Variants in THY1 observed in about 807,000 individuals in gnomAD.
THY1 encodes Thy-1 cell surface antigen.
In THY1, 10 loss-of-function variants were observed where a neutral mutation model predicts 14.9. The ratio of observed to expected loss-of-function variants is 0.67; its 90% CI spans 0.41 to 1.14. The LOEUF is 1.14. Among genes scored for constraint, THY1 ranks in the 50% most tolerant of loss-of-function variants. THY1 has a pLI of 0.00. For missense variants in THY1, 159 were observed against 202.1 expected, an observed-to-expected ratio of 0.79 and a Z score of 1.29; for synonymous variants, 80 against 90.0, an observed-to-expected ratio of 0.89 and a Z score of 0.63.
rs990542852 is a variant in THY1 at position 119,417,853 on chromosome 11, G to A, written c.*1555C>T. On this transcript the variant is annotated 3_prime_UTR_variant, in exon 4 of 4. Coordinates refer to ENST00000284240, the MANE Select transcript of THY1 (RefSeq NM_006288.5). ...AAAGCAGACTGCATAGCTTAGCGCAGATTCACGCAAAGCCACTTGTGCATT... is the reference window on the plus strand; with the variant it reads ...AAAGCAGACTGCATAGCTTAGCGCAAATTCACGCAAAGCCACTTGTGCATT... 3 of 152,320 alleles carry A rather than the reference G, an allele frequency of 2.0e-5. No homozygotes were observed. Among genetic ancestry groups the A allele is most frequent in the African/African-American group, 7.2e-5 (3 of 41,470 alleles). 9.4% of individuals were successfully genotyped at this position (152,320 alleles called of 1,614,324 possible). A position where few individuals can be genotyped will look rare whatever the true frequency, so the allele number is the denominator to read the frequency against.
rs762262836 is a variant in THY1, at chr11:119,420,885, G to A, written c.21C>T (p.Ile7=). The A allele has an allele frequency of 5.0e-6, 8 of 1,614,004 alleles. No homozygotes were observed. Among genetic ancestry groups the A allele is most frequent in the South Asian group, 2.2e-5 (2 of 91,080 alleles). The part of the protein sequence containing the change: MNLAIS[I]ALLLTVLQVS... ...GCCGGGTACCTGTTAGCAGGAGAGC[G>A]ATGCTGATGGCCAGGTTCATGGTTC... The change falls in exon 2 of 4, where the codon ATC becomes ATT. Residue 7 remains isoleucine (I), a synonymous_variant. Coordinates refer to ENST00000284240, the MANE Select transcript of THY1 (RefSeq NM_006288.5).
Position 119,419,449 on chromosome 11 carries a change from A to C in THY1, c.445T>G (p.Ser149Ala). The change falls in exon 4 of 4, where the codon TCC becomes GCC. Residue 149 changes from serine to alanine, a missense_variant. Coordinates refer to ENST00000284240, the MANE Select transcript of THY1 (RefSeq NM_006288.5). ...NTSWLLLLLL[S>A]LSLLQATDFM... The stretch of plus-strand genomic sequence containing the variant: ...TCCGTGGCCTGGAGGAGGGAGAGGG[A>C]GAGCAGGAGCAGCAGCAGCCACGAG... 6.2e-7 allele frequency: 1 copy of C among 1,614,000 alleles called. No homozygotes were observed. Among genetic ancestry groups the C allele is most frequent in the South Asian group, 1.1e-5 (1 of 91,086 alleles).
chr11:119,424,380 A>G (rs1313759082), upstream of THY1, among the ~76,000 whole-genome samples: 1 of 152,106 alleles, frequency 6.6e-6, no homozygotes, highest in Non-Finnish European at 1.5e-5. Context: ...TGATCACGAC[A>G]TTCTGTGGGC....
At position 119,415,610 on chromosome 11, in the gene THY1, C is replaced by T. The variant is rs1861758485; in HGVS notation, c.*3798G>A. 6.6e-6 allele frequency among the ~76,000 whole-genome samples: 1 copy of T among 152,234 alleles called. No homozygotes were observed. Among genetic ancestry groups the T allele is most frequent in the Non-Finnish European group, 1.5e-5 (1 of 68,044 alleles). ...TCACAGCCCCTTCCTGGTGCAGAGC[C>T]ACACTTGGCCTCCATGAAGCTGCCA... is the stretch of plus-strand genomic sequence containing the variant. On this transcript the variant is annotated 3_prime_UTR_variant, in exon 4 of 4. Coordinates refer to ENST00000284240, the MANE Select transcript of THY1 (RefSeq NM_006288.5).
intron 1 of THY1, 92 bp downstream of exon 1, chr11:119,423,021 G>C (rs1460881891): frequency 4.4e-6 from 2 of 455,904 alleles, no homozygotes; most frequent in Non-Finnish European, 8.8e-6. Context: ...GGGCGCCCTC[G>C]GACCGTGGCC....
chr11:119,417,083 G>A lies in THY1; in HGVS notation c.*2325C>T, dbSNP rs77680341. ...ACTCTTTTACTATCCTGAGGGTGGG[G>A]CACCCCACATTTCTCTGGCATTTGA... On this transcript the variant is annotated 3_prime_UTR_variant, in exon 4 of 4. Transcript: ENST00000284240. Among the ~76,000 whole-genome samples, 2,996 of 152,322 alleles carry A rather than the reference G, an allele frequency of 0.02. 86 individuals are homozygous for A. The highest frequency in any genetic ancestry group is 0.068 in the African/African-American group (2,805 of 41,550).
chr11:119,422,950 T>TCCCTAAGG lies in THY1; in HGVS notation c.-25+162_-25+163insCCTTAGGG, dbSNP rs1861939325. On this transcript the variant is annotated intron_variant, in intron 1 of 3. Transcript: ENST00000284240. This position sits in a 1 kb window ranked among gnomAD's most constrained non-coding sequence, Gnocchi z 7.0. ...ACGCGGCCCCTGCCCTGCAGAAGCA[T>TCCCTAAGG]CCCCCTCCCGCCCCTGCCTGGAAAG... Among the ~76,000 whole-genome samples the TCCCTAAGG allele has an allele frequency of 6.6e-6, 1 of 151,940 alleles. No homozygotes were observed. Among genetic ancestry groups the TCCCTAAGG allele is most frequent in the Admixed American group, 6.6e-5 (1 of 15,264 alleles).
intron 2 of THY1, 140 bp from the exon 3 acceptor site, chr11:119,420,526 C>T (rs1861879816): frequency 2.5e-6 from 2 of 807,176 alleles, no homozygotes; most frequent in South Asian, 3.7e-5. Flanking sequence ...CCCAGGGATC[C>T]CACTTCTCCT....
rs982143522 is a variant in THY1, at chr11:119,417,029, C to T, written c.*2379G>A. The stretch of plus-strand genomic sequence containing the variant: ...ACAGGTGCGAGGCTTCACACAGTGC[C>T]GCTCATTTCCTTCCAGAAATACCTC... On this transcript the variant is annotated 3_prime_UTR_variant, in exon 4 of 4. Transcript: ENST00000284240. Among the ~76,000 whole-genome samples the T allele has an allele frequency of 4.6e-5, 7 of 152,220 alleles. No homozygotes were observed. The highest frequency in any genetic ancestry group is 8.8e-5 in the Non-Finnish European group (6 of 68,036).
intron 3 of THY1, chr11:119,419,842 G>C: frequency 1.5e-6 from 1 of 650,856 alleles, no homozygotes; most frequent in South Asian, 2.0e-5. Flanking sequence ...CACAGTTCTG[G>C]TGGAACCACA....
Position 119,418,331 on chromosome 11 carries a change from C to T in THY1, c.*1077G>A, listed in dbSNP as rs1861819951. On this transcript the variant is annotated 3_prime_UTR_variant, in exon 4 of 4. Coordinates refer to ENST00000284240, the MANE Select transcript of THY1 (RefSeq NM_006288.5). ...GCCATTTCCTGAGAAGTGTCCGGCT[C>T]CTGGGTCTCACTCCATGGCTTGCCT... is the stretch of plus-strand genomic sequence containing the variant. 6.6e-6 allele frequency: 1 copy of T among 152,474 alleles called. No individual in the cohort carries two copies. Among genetic ancestry groups the T allele is most frequent in the South Asian group, 2.1e-4 (1 of 4,836 alleles). The allele number at this position is 152,474 out of a possible 1,614,324, so 9.4% of individuals were successfully genotyped here.
Position 119,420,358 on chromosome 11 carries a change from C to A in THY1, c.66G>T (p.Val22=). ...CCACTAGGCAGGCCGTTAGGCTGGTCACCTTCTGCCCTCGGGAGACCTGCA... is the reference window on the plus strand; with the variant it reads ...CCACTAGGCAGGCCGTTAGGCTGGTAACCTTCTGCCCTCGGGAGACCTGCA... The part of the protein sequence containing the change: ...TVLQVSRGQK[V]TSLTACLVDQ... Residue 22 remains valine, a synonymous_variant, in exon 3 of 4, where the codon GTG becomes GTT. Transcript: ENST00000284240. The A allele has an allele frequency of 1.2e-6, 2 of 1,613,528 alleles. No homozygotes were observed. The highest frequency in any genetic ancestry group is 1.1e-5 in the South Asian group (1 of 91,046).
Position 119,419,247 on chromosome 11 carries a change from G to A in THY1, c.*161C>T. On this transcript the variant is annotated 3_prime_UTR_variant, in exon 4 of 4. Transcript: ENST00000284240. ...AGGGTGAGGTGGCCGCGTGGACGTG[G>A]GTAGATAATCGCATGCAGCACTGGA... 4.2e-6 allele frequency: 3 copies of A among 715,514 alleles called. No individual in the cohort carries two copies. The highest frequency in any genetic ancestry group is 1.5e-5 in the South Asian group (1 of 66,218). The allele number at this position is 715,514 out of a possible 1,614,324, so 44.3% of individuals were successfully genotyped here. A position where few individuals can be genotyped will look rare whatever the true frequency, so the allele number is the denominator to read the frequency against.
At chr11:119,421,081 A>G in intron 1 of THY1, 152 bp from the exon 2 acceptor site, 1 of 618,842 alleles carries the variant, frequency 1.6e-6, no homozygotes, top group East Asian at 2.9e-5. Context: ...TGAACATGAT[A>G]CTGCCACTGG....
At position 119,419,177 on chromosome 11, in the gene THY1, G is replaced by T. The variant is rs931974142; in HGVS notation, c.*231C>A. 3.5e-6 allele frequency: 2 copies of T among 569,474 alleles called. No individual in the cohort carries two copies. The highest frequency in any genetic ancestry group is 6.5e-6 in the Non-Finnish European group (2 of 306,618). The allele number at this position is 569,474 out of a possible 1,614,324, so 35.3% of individuals were successfully genotyped here. A position where few individuals can be genotyped will look rare whatever the true frequency, so the allele number is the denominator to read the frequency against. ...AACCTAAATAAACCAGACAGAAGCA[G>T]CTCTGGAACAAAAAGTACAAAAAGA... On this transcript the variant is annotated 3_prime_UTR_variant, in exon 4 of 4. Transcript: ENST00000284240.
Position 119,419,535 on chromosome 11 carries a change from G to A in THY1, c.374-15C>T, listed in dbSNP as rs1419986116. 1.2e-6 allele frequency: 2 copies of A among 1,605,458 alleles called. No individual in the cohort carries two copies. The highest frequency in any genetic ancestry group is 8.5e-7 in the Non-Finnish European group (1 of 1,173,780). On this transcript the variant is annotated splice_polypyrimidine_tract_variant and intron_variant, in intron 3 of 3. Transcript: ENST00000284240. Reference sequence around the variant, plus strand: ...GACCAGTTTGTCTGCAGAAAGAGAAGGGGGCCGGGGGCAGGGTAGGAAGGA... The same window carrying A: ...GACCAGTTTGTCTGCAGAAAGAGAAAGGGGCCGGGGGCAGGGTAGGAAGGA...
chr11:119,417,404 A>C lies in THY1; in HGVS notation c.*2004T>G, dbSNP rs1249608087. ...AATTTAGATCTGAGGCCTTTAAGAA[A>C]AATGCTCAGAAACAATCATCCTACC... On this transcript the variant is annotated 3_prime_UTR_variant, in exon 4 of 4. Transcript: ENST00000284240. 6.6e-6 allele frequency: 1 copy of C among 152,220 alleles called. No homozygotes were observed. The highest frequency in any genetic ancestry group is 1.5e-5 in the Non-Finnish European group (1 of 68,042). The allele number at this position is 152,220 out of a possible 1,614,324, so 9.4% of individuals were successfully genotyped here.
At position 119,420,398 on chromosome 11, in the gene THY1, A is replaced by T; in HGVS notation, c.38-12T>A. On this transcript the variant is annotated splice_polypyrimidine_tract_variant and intron_variant, in intron 2 of 3. Coordinates refer to ENST00000284240, the MANE Select transcript of THY1 (RefSeq NM_006288.5). ...GGAGACCTGCAAGACTGGCACCAGC[A>T]GTGCCTCCTTCAAACTGGAGGGGCC... The T allele has an allele frequency of 6.3e-7, 1 of 1,599,204 alleles. No individual in the cohort carries two copies. The highest frequency in any genetic ancestry group is 8.5e-7 in the Non-Finnish European group (1 of 1,174,058).
rs1861805732 is a variant in THY1 at position 119,417,751 on chromosome 11, A to G, written c.*1657T>C. ...TGCCTTGAGGACATGGGCATCTCCC[A>G]CCCTTCGTGCTCACCCTCGCAATAG... is the stretch of plus-strand genomic sequence containing the variant. On this transcript the variant is annotated 3_prime_UTR_variant, in exon 4 of 4. Coordinates refer to ENST00000284240, the MANE Select transcript of THY1 (RefSeq NM_006288.5). 6.6e-6 allele frequency: 1 copy of G among 152,178 alleles called. No individual in the cohort carries two copies. Among genetic ancestry groups the G allele is most frequent in the Admixed American group, 6.5e-5 (1 of 15,274 alleles). 9.4% of individuals were successfully genotyped at this position (152,178 alleles called of 1,614,324 possible).
Sources: gnomAD v4.1 joint callset for allele counts (sites outside exome capture counted in the v4.1 genomes callset) on GRCh38, gnomAD v4.1.1 for gene constraint, Gnocchi (gnomAD v3.1) non-coding constraint, MANE v1.5 for transcripts, NCBI Gene and HGNC (gene_info 2026-07-23, HGNC 2026-07-21) for gene names.